The following PCDH17 variants were observed in gnomAD, a reference collection of about 807,000 sequenced individuals.
PCDH17 encodes the protein protocadherin-17.
Under a neutral mutation model 67.7 loss-of-function variants are expected in PCDH17, and 21 were observed. That is an observed-to-expected ratio of 0.31 (90% CI 0.22 to 0.45). The LOEUF (loss-of-function observed/expected upper bound fraction) is 0.45, where lower values mean the gene tolerates loss of function less well. Ranked by LOEUF, PCDH17 falls within the 20% of genes least tolerant of loss-of-function variation. The probability of loss-of-function intolerance (pLI) is 1.00; values close to 1 mark genes in which losing one functional copy is unlikely to be tolerated. For missense variants in PCDH17, 1,471 were observed against 1,564.8 expected (o/e 0.94, Z 1.01); for synonymous variants, 701 against 656.7 (o/e 1.07, Z -1.03).
intron 3 of PCDH17, among the ~76,000 whole-genome samples, chr13:57,697,523 T>C (rs915165915): frequency 3.3e-5 from 5 of 151,716 alleles, no homozygotes; most frequent in African/African-American, 7.2e-5. Context: ...CATGAATTGC[T>C]GTGTTACCAT....
intron 3 of PCDH17, among the ~76,000 whole-genome samples, chr13:57,689,561 C>T (rs1009552295): frequency 2.0e-5 from 3 of 151,938 alleles, no homozygotes; most frequent in Non-Finnish European, 2.9e-5. Context: ...ACCAAACATT[C>T]ATGGAAATTA....
At chr13:57,662,936 C>A (rs1270576950) in intron 1 of PCDH17, among the ~76,000 whole-genome samples, 2 of 152,012 alleles carry the variant, frequency 1.3e-5, no homozygotes, top group South Asian at 2.1e-4. Context: ...TTTTTTATTA[C>A]CTTTAACACA....
At chr13:57,631,273 G>T (rs1954715976), upstream of PCDH17, among the ~76,000 whole-genome samples, 1 of 152,140 alleles carries the variant, frequency 6.6e-6, no homozygotes, top group Non-Finnish European at 1.5e-5. Flanking sequence ...AGAAAGAAAA[G>T]AGGCACTTGA....
intron 3 of PCDH17, among the ~76,000 whole-genome samples, chr13:57,668,734 A>T (rs1955285439): frequency 6.6e-6 from 1 of 152,118 alleles, no homozygotes; most frequent in Admixed American, 6.6e-5. Context: ...AATGCCACAC[A>T]TCCCTATTAG....
At chr13:57,675,012 T>TA (rs1276298040) in intron 3 of PCDH17, among the ~76,000 whole-genome samples, 2 of 151,928 alleles carry the variant, frequency 1.3e-5, no homozygotes, top group Non-Finnish European at 2.9e-5. Flanking sequence ...CTTTCCATCC[T>TA]ACCAAGCCAT....
Position 57,632,400 on chromosome 13 carries a change from C to G in PCDH17, c.-147C>G. Reference sequence around the variant, plus strand: ...AGAATAAGGAGAGACCACCGGGTGCCGCAGCTCGGGTGCAGAGGGAAAAAA... The same window carrying G: ...AGAATAAGGAGAGACCACCGGGTGCGGCAGCTCGGGTGCAGAGGGAAAAAA... On this transcript the variant is annotated 5_prime_UTR_variant, in exon 1 of 4. Transcript: ENST00000377918. The G allele has an allele frequency of 1.4e-6, 1 of 734,724 alleles. No individual in the cohort carries two copies. Among genetic ancestry groups the G allele is most frequent in the Non-Finnish European group, 2.2e-6 (1 of 451,656 alleles). 45.5% of individuals were successfully genotyped at this position (734,724 alleles called of 1,614,324 possible). A position where few individuals can be genotyped will look rare whatever the true frequency, so the allele number is the denominator to read the frequency against.
At position 57,633,516 on chromosome 13, in the gene PCDH17, C is replaced by G. The variant is rs1367484501; in HGVS notation, c.970C>G (p.Arg324Gly). The G allele has an allele frequency of 3.1e-6, 5 of 1,613,902 alleles. No individual in the cohort carries two copies. The South Asian group carries it at 4.4e-5, about 14-fold the overall frequency. ...GATGCTGGAGATTGACGTGCAGGCC[C>G]GAGACCTGGGGCCTAACCCTATCCC... ...NGMLEIDVQA[R>G]DLGPNPIPAH... Residue 324 changes from arginine (R) to glycine (G), a missense_variant, in exon 1 of 4, where the codon CGA (arginine) becomes GGA (glycine). Physicochemically the swap from Arg to Gly is moderately radical, Grantham distance 125. Transcript: ENST00000377918. The surrounding 1 kb of genome is among the most constrained non-coding windows in gnomAD (Gnocchi z 6.2).
chr13:57,656,992 A>G (rs1212346682), intron 1 of PCDH17, among the ~76,000 whole-genome samples: 1 of 152,182 alleles, frequency 6.6e-6, no homozygotes, highest in Non-Finnish European at 1.5e-5. Context: ...TAGATAACAA[A>G]TAGCGCTCAT....
intron 3 of PCDH17, among the ~76,000 whole-genome samples, chr13:57,721,505 A>G (rs1447211342): frequency 1.3e-5 from 2 of 152,074 alleles, no homozygotes; most frequent in Non-Finnish European, 2.9e-5. Context: ...TTGATCATCT[A>G]TCTTAGAACT....
chr13:57,682,112 C>A (rs540542204), intron 3 of PCDH17, among the ~76,000 whole-genome samples: 1 of 151,844 alleles, frequency 6.6e-6, no homozygotes, highest in Admixed American at 6.6e-5. Context: ...CCCAAACCTG[C>A]CAGCATTTTA....
rs1330549179 is a variant in PCDH17 at position 57,634,428 on chromosome 13, G to C, written c.1882G>C (p.Val628Leu). The change falls in exon 1 of 4, where the codon GTG (valine) becomes CTG (leucine). Residue 628 changes from valine (V) to leucine (L), a missense_variant. Coordinates refer to ENST00000377918, the MANE Select transcript of PCDH17 (RefSeq NM_001040429.3). The surrounding 1 kb of genome is among the most constrained non-coding windows in gnomAD (Gnocchi z 7.8). ...GESGRLTYEI[V>L]DGNDDHLFEI... is the part of the protein sequence containing the mutation. Reference sequence around the variant, plus strand: ...GAGCGGGCGTCTCACCTACGAGATCGTGGACGGCAACGACGACCACCTGTT... The same window carrying C: ...GAGCGGGCGTCTCACCTACGAGATCCTGGACGGCAACGACGACCACCTGTT... 3 of 1,612,760 alleles carry C rather than the reference G, an allele frequency of 1.9e-6. No homozygotes were observed. Among genetic ancestry groups the C allele is most frequent in the African/African-American group, 1.3e-5 (1 of 74,916 alleles).
chr13:57,652,298 A>AAAG (rs1200150918), intron 1 of PCDH17, among the ~76,000 whole-genome samples: 1 of 151,530 alleles, frequency 6.6e-6, no homozygotes, highest in East Asian at 1.9e-4. Flanking sequence ...AAAAAAAAAA[A>AAAG]AAAAGAACAC....
In PCDH17 at chr13:57,633,323, T is replaced by G; in HGVS notation, c.777T>G (p.Gly259=). The change falls in exon 1 of 4, where the codon GGT becomes GGG. Residue 259 remains glycine, a synonymous_variant. Coordinates refer to ENST00000377918, the MANE Select transcript of PCDH17 (RefSeq NM_001040429.3). The surrounding 1 kb of genome is among the most constrained non-coding windows in gnomAD (Gnocchi z 6.2). ...LVELPENAPL[G]TVVIDLNATD... is the part of the protein sequence containing the mutation. ...AACTGCCCGAGAACGCTCCGCTGGG[T>G]ACAGTGGTCATCGATCTGAACGCCA... The G allele has an allele frequency of 6.2e-7, 1 of 1,613,162 alleles. No homozygotes were observed. The highest frequency in any genetic ancestry group is 8.5e-7 in the Non-Finnish European group (1 of 1,179,988).
chr13:57,661,776 C>T (rs1593909560), intron 1 of PCDH17, among the ~76,000 whole-genome samples: 1 of 152,150 alleles, frequency 6.6e-6, no homozygotes, highest in East Asian at 1.9e-4. Context: ...GGGTCTGCTT[C>T]TGGACAGTCT....
Position 57,633,397 on chromosome 13 carries a change from G to C in PCDH17, c.851G>C (p.Ser284Thr), listed in dbSNP as rs780765301. ...PNGEVLYSFSSYVPDRVRELF... is the reference protein window; with the variant it reads ...PNGEVLYSFSTYVPDRVRELF... ...GGTGAAGTGCTCTACTCTTTCAGCA[G>C]CTACGTGCCTGACCGCGTGCGGGAG... Residue 284 changes from serine (S) to threonine (T), a missense_variant, in exon 1 of 4, where the codon AGC (serine) becomes ACC (threonine). Transcript: ENST00000377918. This position sits in a 1 kb window ranked among gnomAD's most constrained non-coding sequence, Gnocchi z 6.2. The C allele has an allele frequency of 1.2e-6, 2 of 1,613,380 alleles. No individual in the cohort carries two copies. Among genetic ancestry groups the C allele is most frequent in the Non-Finnish European group, 1.7e-6 (2 of 1,180,030 alleles).
intron 3 of PCDH17, among the ~76,000 whole-genome samples, chr13:57,721,117 A>G (rs1470467584): frequency 6.6e-6 from 1 of 152,038 alleles, no homozygotes; most frequent in Admixed American, 6.6e-5. Context: ...GTACTTTAGA[A>G]TTGTTTTCTT....
intron 3 of PCDH17, among the ~76,000 whole-genome samples, chr13:57,683,120 TCA>T (rs1416742564): frequency 6.6e-6 from 1 of 151,876 alleles, no homozygotes; most frequent in Non-Finnish European, 1.5e-5. Context: ...TTTTATTATT[TCA>T]CAGTGGCCAT....
At chr13:57,641,136 A>C (rs918471367) in intron 1 of PCDH17, among the ~76,000 whole-genome samples, 29 of 151,930 alleles carry the variant, frequency 1.9e-4, no homozygotes, top group Non-Finnish European at 4.1e-4. Context: ...AGCACTTTTA[A>C]ACTTCGTCAG....
At chr13:57,722,480 T>C (rs1430747223) in intron 3 of PCDH17, among the ~76,000 whole-genome samples, 5 of 152,246 alleles carry the variant, frequency 3.3e-5, no homozygotes, top group Non-Finnish European at 7.3e-5. Flanking sequence ...AGTTATCTAT[T>C]TGTTGAAATG....
Sources: allele counts gnomAD v4.1 joint callset (sites outside exome capture counted in the v4.1 genomes callset), GRCh38; gene constraint gnomAD v4.1.1; non-coding constraint Gnocchi (gnomAD v3.1); transcripts MANE v1.5; gene names NCBI Gene and HGNC (gene_info 2026-07-23, HGNC 2026-07-21).